ROBO1: variants seen among roughly 807,000 people sequenced by gnomAD.
ROBO1 encodes the protein roundabout guidance receptor 1.
In ROBO1, 149 loss-of-function variants were observed where a neutral mutation model predicts 195.9. The ratio of observed to expected loss-of-function variants is 0.76; its 90% CI spans 0.67 to 0.87. The LOEUF is 0.87. Ranked by LOEUF, ROBO1 falls within the 40% of genes least tolerant of loss-of-function variation. The pLI, the probability that ROBO1 is intolerant of heterozygous loss-of-function variation, is 0.00. For missense variants in ROBO1, 1,933 were observed against 2,068.3 expected (o/e 0.93, Z 1.27); for synonymous variants, 816 against 733.2 (o/e 1.11, Z -1.82).
intron 8 of ROBO1, among the ~76,000 whole-genome samples, chr3:78,710,727 C>T (rs1168544485): frequency 6.6e-6 from 1 of 152,090 alleles, no homozygotes; most frequent in Non-Finnish European, 1.5e-5. Context: ...TTCCAATGTC[C>T]ATTCTCTTAG....
intron 2 of ROBO1, among the ~76,000 whole-genome samples, chr3:79,537,227 C>T (rs1377752221): frequency 6.6e-6 from 1 of 151,870 alleles, no homozygotes; most frequent in Admixed American, 6.6e-5. Context: ...TGAACTCTAG[C>T]TTCTAGGGGA....
At chr3:78,790,843 A>AC (rs2083997058) in intron 4 of ROBO1, among the ~76,000 whole-genome samples, 1 of 152,162 alleles carries the variant, frequency 6.6e-6, no homozygotes, top group Non-Finnish European at 1.5e-5. Context: ...CAGCTGCTGT[A>AC]ATTCTAGGTC....
At chr3:79,395,340 A>AAAAAGAAAGAAAGAAAG (rs71631648) in intron 2 of ROBO1, among the ~76,000 whole-genome samples, 207 of 118,998 alleles carry the variant, frequency 1.7e-3, no homozygotes, top group African/African-American at 6.4e-3. Flanking sequence ...AAAAAAAAAA[A>AAAAAGAAAGAAAGAAAG]AAAGAAAGAA....
rs2080198702 is a variant in ROBO1, at chr3:79,125,497, A to T, written c.131T>A (p.Ile44Asn). 6.2e-7 allele frequency: 1 copy of T among 1,613,646 alleles called. No homozygotes were observed. The highest frequency in any genetic ancestry group is 8.5e-7 in the Non-Finnish European group (1 of 1,179,768). ...VERGNDHGTP[I>N]PTSDNDDNSL... ...ATTGTCATCGTTATCAGAGGTGGGG[A>T]TTGGCGTCCCGTGGTCGTTCCCCCT... Residue 44 changes from isoleucine to asparagine, a missense_variant, in exon 3 of 31, where the codon ATC (isoleucine) becomes AAC (asparagine). Around this residue, in one of 3 missense-constraint regions of ROBO1, gnomAD observed 185 missense variants for 159.5 expected, o/e 1.16. Coordinates refer to ENST00000464233, the MANE Select transcript of ROBO1 (RefSeq NM_002941.4).
At chr3:78,893,832 C>A (rs1279491054) in intron 4 of ROBO1, among the ~76,000 whole-genome samples, 1 of 152,038 alleles carries the variant, frequency 6.6e-6, no homozygotes, top group Admixed American at 6.6e-5. Context: ...GGATCTGGTA[C>A]TAGAAACTTC....
At chr3:79,249,250 G>A (rs923522157) in intron 2 of ROBO1, among the ~76,000 whole-genome samples, 10 of 152,120 alleles carry the variant, frequency 6.6e-5, no homozygotes, top group Non-Finnish European at 1.2e-4. Context: ...TTTAAAAAGC[G>A]GGTGACAGCT....
chr3:79,405,580 C>T (rs187056019), intron 2 of ROBO1, among the ~76,000 whole-genome samples: 42 of 152,242 alleles, frequency 2.8e-4, no homozygotes, highest in Admixed American at 2.1e-3. Flanking sequence ...TTTTATTTTA[C>T]TTCATCATGA....
chr3:79,196,399 G>GAGAA (rs780307880), intron 2 of ROBO1, among the ~76,000 whole-genome samples: 22 of 150,174 alleles, frequency 1.5e-4, no homozygotes, highest in East Asian at 1.2e-3. Flanking sequence ...GGGAGGGAGA[G>GAGAA]AGAAAGAAAG....
chr3:79,269,675 G>A (rs1200915635), intron 2 of ROBO1, among the ~76,000 whole-genome samples: 1 of 151,590 alleles, frequency 6.6e-6, no homozygotes, highest in Admixed American at 6.6e-5. Flanking sequence ...ATTCTCAAAG[G>A]AATATACAGA....
Position 78,597,328 on chromosome 3 carries a change from A to AG in ROBO1, c.*1584dup, listed in dbSNP as rs1380031183. The stretch of plus-strand genomic sequence containing the variant: ...GTATGCAAAATTATGGCTAAAAATA[A>AG]GGGGCTTCTTACATGAACATAATGA... On this transcript the variant is annotated 3_prime_UTR_variant, in exon 31 of 31. Coordinates refer to ENST00000464233, the MANE Select transcript of ROBO1 (RefSeq NM_002941.4). The AG allele has an allele frequency of 2.0e-5, 3 of 152,618 alleles. No homozygotes were observed. The highest frequency in any genetic ancestry group is 2.0e-4 in the Admixed American group (3 of 15,290). The allele number at this position is 152,618 out of a possible 1,614,324, so 9.5% of individuals were successfully genotyped here. A position where few individuals can be genotyped will look rare whatever the true frequency, so the allele number is the denominator to read the frequency against.
intron 4 of ROBO1, among the ~76,000 whole-genome samples, chr3:78,816,432 TTC>T (rs2029911463): frequency 6.6e-6 from 1 of 152,178 alleles, no homozygotes; most frequent in Non-Finnish European, 1.5e-5. Flanking sequence ...ACAACACCCA[TTC>T]TATAATCCTT....
intron 1 of ROBO1, among the ~76,000 whole-genome samples, chr3:79,619,664 C>A (rs1270304725): frequency 6.6e-6 from 1 of 152,096 alleles, no homozygotes; most frequent in Non-Finnish European, 1.5e-5. Flanking sequence ...GCCTTTTTCT[C>A]TATTGGACCT....
intron 1 of ROBO1, among the ~76,000 whole-genome samples, chr3:79,625,185 T>C (rs1407444013): frequency 6.6e-6 from 1 of 151,618 alleles, no homozygotes; most frequent in Non-Finnish European, 1.5e-5. Flanking sequence ...GAATCTCTGG[T>C]ACACAGTTAA....
intron 1 of ROBO1, among the ~76,000 whole-genome samples, chr3:79,594,578 A>T (rs985887109): frequency 6.6e-6 from 1 of 152,028 alleles, no homozygotes; most frequent in African/African-American, 2.4e-5. Flanking sequence ...GAATCACAGA[A>T]TGTAAATTCA....
chr3:79,730,662 C>T (rs1428827027), intron 1 of ROBO1, among the ~76,000 whole-genome samples: 1 of 151,622 alleles, frequency 6.6e-6, no homozygotes, highest in African/African-American at 2.4e-5. Flanking sequence ...AACATCAGAT[C>T]TCTAACATCT....
rs753577393 is a variant in ROBO1 at position 79,020,552 on chromosome 3, C to A, written c.173-81625G>T. Among the ~76,000 whole-genome samples, 2 of 152,040 alleles carry A rather than the reference C, an allele frequency of 1.3e-5. 1 individual carries two copies. Among genetic ancestry groups the A allele is most frequent in the South Asian group, 4.1e-4 (2 of 4,822 alleles). On this transcript the variant is annotated intron_variant, in intron 3 of 30. Coordinates refer to ENST00000464233, the MANE Select transcript of ROBO1 (RefSeq NM_002941.4). ...ACTAAAAATTCAAAAATTAGCCGGG[C>A]GTGGTGGCGTTCGCCTGTAGCCCCA...
chr3:79,403,660 A>T (rs2037444764), intron 2 of ROBO1, among the ~76,000 whole-genome samples: 1 of 152,052 alleles, frequency 6.6e-6, no homozygotes, highest in Non-Finnish European at 1.5e-5. Context: ...ACTAATTTTA[A>T]AATCAAAGTC....
chr3:79,156,592 T>G (rs1429238367), intron 2 of ROBO1, among the ~76,000 whole-genome samples: 1 of 151,824 alleles, frequency 6.6e-6, no homozygotes, highest in Non-Finnish European at 1.5e-5. Context: ...AGACAATTCA[T>G]CTATCAAATC....
chr3:79,461,918 A>T (rs1339778123), intron 2 of ROBO1, among the ~76,000 whole-genome samples: 2 of 152,232 alleles, frequency 1.3e-5, no homozygotes, highest in Non-Finnish European at 2.9e-5. Context: ...TTCCTAAAAA[A>T]CAATCCAAAC....
Sources: gnomAD v4.1 joint callset for allele counts (sites outside exome capture counted in the v4.1 genomes callset) on GRCh38, gnomAD v4.1.1 for gene constraint, gnomAD v4.1.1 regional missense constraint, MANE v1.5 for transcripts, NCBI Gene and HGNC (gene_info 2026-07-23, HGNC 2026-07-21) for gene names.